ZNF438: variants seen among roughly 807,000 people sequenced by gnomAD.
The protein encoded by ZNF438 is zinc finger protein 438.
ZNF438 carries 25 observed loss-of-function variants against 38.0 expected under a neutral mutation model. The ratio of observed to expected loss-of-function variants is 0.66; its 90% CI spans 0.48 to 0.92. ZNF438 has a LOEUF of 0.92. Among genes scored for constraint, ZNF438 ranks in the 40% least tolerant of loss-of-function variants. The pLI, the probability that ZNF438 is intolerant of heterozygous loss-of-function variation, is 0.00. For missense variants in ZNF438, 1,007 were observed against 999.6 expected (o/e 1.01, Z -0.10); for synonymous variants, 372 against 364.1 (o/e 1.02, Z -0.25).
At chr10:30,954,228 A>C (rs1214883133) in intron 1 of ZNF438, among the ~76,000 whole-genome samples, 1 of 152,234 alleles carries the variant, frequency 6.6e-6, no homozygotes, top group Non-Finnish European at 1.5e-5. Context: ...GGTCTCCTTT[A>C]GCTATCTATA....
In ZNF438 at chr10:30,845,602, G is replaced by T. The variant is rs1231268742; in HGVS notation, c.1875-29C>A. 7.0e-6 allele frequency: 11 copies of T among 1,579,040 alleles called. No individual in the cohort carries two copies. In the South Asian group the frequency reaches 1.3e-4, roughly 19 times the overall value. On this transcript the variant is annotated intron_variant, in intron 5 of 5. Transcript: ENST00000413025. Reference sequence around the variant, plus strand: ...AAAAGGCCAATAATAATGAAGATAAGATTTCATGGAAAAATGCAATTGGAA... The same window carrying T: ...AAAAGGCCAATAATAATGAAGATAATATTTCATGGAAAAATGCAATTGGAA...
At chr10:31,014,856 G>T (rs1341058932) in intron 1 of ZNF438, among the ~76,000 whole-genome samples, 9 of 63,772 alleles carry the variant, frequency 1.4e-4, no homozygotes, top group Admixed American at 2.9e-4. Context: ...GTGTGTGTGT[G>T]TGTGTATATA....
intron 1 of ZNF438, among the ~76,000 whole-genome samples, chr10:30,988,181 A>G (rs985026143): frequency 1.1e-4 from 16 of 152,194 alleles, no homozygotes; most frequent in Non-Finnish European, 2.9e-5. Context: ...TTTACATATT[A>G]AACTATTACA....
rs1172103111 is a variant in ZNF438, at chr10:30,893,734, T to C, written c.-32+15199A>G. Among the ~76,000 whole-genome samples, 6 of 152,190 alleles carry C rather than the reference T, an allele frequency of 3.9e-5. No individual in the cohort carries two copies. The South Asian group carries it at 1.0e-3, about 26-fold the overall frequency. Reference sequence around the variant, plus strand: ...CTTGTCCATACTAAGTGGTTTATTTTAGATGTACACTGCTCCCTAAATCCT... The same window carrying C: ...CTTGTCCATACTAAGTGGTTTATTTCAGATGTACACTGCTCCCTAAATCCT... On this transcript the variant is annotated intron_variant, in intron 3 of 5. Transcript: ENST00000413025.
At chr10:30,908,614 A>T (rs2042800255) in intron 3 of ZNF438, among the ~76,000 whole-genome samples, 1 of 152,200 alleles carries the variant, frequency 6.6e-6, no homozygotes, top group African/African-American at 2.4e-5. Flanking sequence ...GATTAATTTC[A>T]TATCTATCTC....
At chr10:30,963,176 G>A (rs959802031) in intron 1 of ZNF438, among the ~76,000 whole-genome samples, 4 of 152,064 alleles carry the variant, frequency 2.6e-5, no homozygotes, top group African/African-American at 2.4e-5. Context: ...CAGATCACCT[G>A]AAGTCAGGAG....
exon 6 of ZNF438, chr10:30,845,220 T>C (rs1405149277): frequency 6.2e-7 from 1 of 1,614,142 alleles, no homozygotes; most frequent in Non-Finnish European, 8.5e-7. Flanking sequence ...GGGTCCTTCA[T>C]TTTCCATGAG....
chr10:30,943,259 T>G (rs2047010841), intron 1 of ZNF438, among the ~76,000 whole-genome samples: 1 of 152,132 alleles, frequency 6.6e-6, no homozygotes, highest in Non-Finnish European at 1.5e-5. Flanking sequence ...TTCTCTATGG[T>G]TAGAAATAGA....
intron 3 of ZNF438, among the ~76,000 whole-genome samples, chr10:30,902,020 G>A (rs907799390): frequency 2.3e-4 from 28 of 121,286 alleles, no homozygotes; most frequent in Non-Finnish European, 4.9e-4. Context: ...GCAGACCTTC[G>A]CAGTGAGTGT....
chr10:30,992,585 G>T (rs2053617618), intron 1 of ZNF438, among the ~76,000 whole-genome samples: 1 of 152,026 alleles, frequency 6.6e-6, no homozygotes, highest in Non-Finnish European at 1.5e-5. Flanking sequence ...ACTAATTTTT[G>T]TATTTTTATT....
In ZNF438 at chr10:30,979,670, G is replaced by C. The variant is rs761161902; in HGVS notation, c.-191-38019C>G. Among the ~76,000 whole-genome samples, 25 of 152,148 alleles carry C rather than the reference G, an allele frequency of 1.6e-4. 1 individual carries two copies. The highest frequency in any genetic ancestry group is 2.8e-4 in the Non-Finnish European group (19 of 68,012). ...CTTCTTGGTCCAGAGCTGAGTTCAA[G>C]TCCTGGATATCCTTGTTAATTTTCT... On this transcript the variant is annotated intron_variant, in intron 1 of 5. Coordinates refer to ENST00000413025, the Ensembl canonical transcript of ZNF438.
chr10:30,917,453 C>A (rs2043776812), intron 2 of ZNF438, among the ~76,000 whole-genome samples: 1 of 152,002 alleles, frequency 6.6e-6, no homozygotes, highest in African/African-American at 2.4e-5. Context: ...AAGTGGTATA[C>A]CTAATGTATA....
At chr10:30,987,050 A>G (rs1185727741) in intron 1 of ZNF438, among the ~76,000 whole-genome samples, 1 of 152,180 alleles carries the variant, frequency 6.6e-6, no homozygotes, top group African/African-American at 2.4e-5. Context: ...AAACTGCAAT[A>G]TATTACCAAT....
intron 3 of ZNF438, among the ~76,000 whole-genome samples, chr10:30,892,196 T>G (rs1000191509): frequency 6.6e-6 from 1 of 151,728 alleles, no homozygotes; most frequent in Non-Finnish European, 1.5e-5. Flanking sequence ...AGATCCCCAG[T>G]GGATGTCTAA....
intron 1 of ZNF438, among the ~76,000 whole-genome samples, chr10:31,021,870 T>C (rs941715377): frequency 5.9e-5 from 9 of 152,172 alleles, no homozygotes; most frequent in African/African-American, 2.2e-4. Context: ...AAATGACCAA[T>C]TGAGAGCAAT....
chr10:30,897,079 T>C (rs938737631), intron 3 of ZNF438, among the ~76,000 whole-genome samples: 1 of 152,228 alleles, frequency 6.6e-6, no homozygotes, highest in African/African-American at 2.4e-5. Context: ...GACATACATC[T>C]ATGTCAGAAA....
chr10:31,002,002 T>A (rs759198758), intron 1 of ZNF438, among the ~76,000 whole-genome samples: 2 of 151,978 alleles, frequency 1.3e-5, no homozygotes, highest in African/African-American at 2.4e-5. Context: ...AGATGGAAAG[T>A]CAACAGAAAG....
At chr10:30,947,969 G>A (rs997178561) in intron 1 of ZNF438, among the ~76,000 whole-genome samples, 26 of 152,214 alleles carry the variant, frequency 1.7e-4, no homozygotes, top group African/African-American at 4.1e-4. Flanking sequence ...AGAAATCACC[G>A]TCTTCTGCAT....
chr10:30,897,343 C>T (rs2041472638), intron 3 of ZNF438, among the ~76,000 whole-genome samples: 1 of 152,210 alleles, frequency 6.6e-6, no homozygotes, highest in African/African-American at 2.4e-5. Flanking sequence ...TCTATATTCC[C>T]CCCAATACTA....
Sources: gnomAD v4.1 joint callset for allele counts (sites outside exome capture counted in the v4.1 genomes callset) on GRCh38, gnomAD v4.1.1 for gene constraint, MANE v1.5 for transcripts, NCBI Gene and HGNC (gene_info 2026-07-23, HGNC 2026-07-21) for gene names.